Variants in KAZN observed in about 807,000 individuals in gnomAD.
KAZN encodes kazrin.
KAZN carries 40 observed loss-of-function variants against 87.4 expected under a neutral mutation model. The observed-to-expected ratio is 0.46, with a 90% CI of 0.36 to 0.60. KAZN has a LOEUF of 0.60. KAZN is among the 20% of genes least tolerant of loss of function. The pLI, the probability that KAZN is intolerant of heterozygous loss-of-function variation, is 0.00. For missense variants in KAZN, 898 were observed against 1,073.9 expected (o/e 0.84, Z 2.29); for synonymous variants, 466 against 458.3 (o/e 1.02, Z -0.22).
intron 1 of KAZN, among the ~76,000 whole-genome samples, chr1:13,988,447 G>T (rs147161750): frequency 6.6e-6 from 1 of 152,162 alleles, no homozygotes; most frequent in East Asian, 1.9e-4. Flanking sequence ...ACCTAGTAGG[G>T]TTCTTTTACT....
chr1:14,835,228 A>G (rs1267772117), intron 1 of KAZN, among the ~76,000 whole-genome samples: 1 of 152,204 alleles, frequency 6.6e-6, no homozygotes, highest in Non-Finnish European at 1.5e-5. Context: ...GTCACCAAAG[A>G]CATATGTTGC....
chr1:15,010,429 T>C (rs978556579), intron 2 of KAZN, among the ~76,000 whole-genome samples: 23 of 142,640 alleles, frequency 1.6e-4, no homozygotes, highest in African/African-American at 5.5e-4. Context: ...CTCGCTCTGC[T>C]GCTCAGGCTG....
chr1:14,433,964 T>G (rs918113401), intron 2 of KAZN, among the ~76,000 whole-genome samples: 1 of 152,254 alleles, frequency 6.6e-6, no homozygotes, highest in African/African-American at 2.4e-5. Context: ...GGAGGCTGTT[T>G]GCAAACCAGG....
At chr1:15,007,931 C>T (rs1639795264) in intron 2 of KAZN, among the ~76,000 whole-genome samples, 2 of 152,202 alleles carry the variant, frequency 1.3e-5, no homozygotes, top group African/African-American at 4.8e-5. Flanking sequence ...GGAGCCGTGC[C>T]GTCACCCAGC....
intron 2 of KAZN, among the ~76,000 whole-genome samples, chr1:15,014,666 C>T (rs1178342530): frequency 6.6e-6 from 1 of 152,120 alleles, no homozygotes; most frequent in Non-Finnish European, 1.5e-5. Flanking sequence ...AGCCTTCCTC[C>T]CGGGAAGAAT....
At chr1:14,701,478 C>T (rs1400754977) in intron 1 of KAZN, among the ~76,000 whole-genome samples, 4 of 152,192 alleles carry the variant, frequency 2.6e-5, no homozygotes, top group African/African-American at 7.2e-5. Context: ...ACACTCTCCA[C>T]CAGGAGTCCA....
intron 1 of KAZN, among the ~76,000 whole-genome samples, chr1:14,876,374 A>G (rs1360144250): frequency 1.3e-5 from 2 of 152,352 alleles, no homozygotes; most frequent in East Asian, 3.9e-4. Context: ...GCAAGCCAGG[A>G]AAGGAACTCT....
chr1:14,440,569 A>G (rs1040746593), intron 2 of KAZN, among the ~76,000 whole-genome samples: 1 of 152,198 alleles, frequency 6.6e-6, no homozygotes, highest in Admixed American at 6.5e-5. Context: ...TGGTTGCTCA[A>G]AAAGATGTTT....
chr1:14,265,832 T>A (rs183530118), intron 2 of KAZN, among the ~76,000 whole-genome samples: 3 of 152,332 alleles, frequency 2.0e-5, no homozygotes, highest in Admixed American at 2.0e-4. Flanking sequence ...CAGCAGGTGG[T>A]GATTTGCCCT....
intron 1 of KAZN, among the ~76,000 whole-genome samples, chr1:13,950,312 T>C (rs1641297636): frequency 6.6e-6 from 1 of 152,180 alleles, no homozygotes; most frequent in Non-Finnish European, 1.5e-5. Context: ...TCTTCTGGCA[T>C]CCCACATTGC....
intron 1 of KAZN, among the ~76,000 whole-genome samples, chr1:14,699,208 C>A (rs1374012711): frequency 6.6e-6 from 1 of 152,254 alleles, no homozygotes; most frequent in Non-Finnish European, 1.5e-5. Flanking sequence ...CCTGGGAGAG[C>A]TGTCCTCGTT....
At chr1:14,542,492 A>G (rs1294161923) in intron 2 of KAZN, among the ~76,000 whole-genome samples, 2 of 152,238 alleles carry the variant, frequency 1.3e-5, no homozygotes, top group East Asian at 3.8e-4. Context: ...ATTTATACAT[A>G]TACTTCAGAT....
At chr1:14,908,131 C>T (rs1656819878) in intron 1 of KAZN, among the ~76,000 whole-genome samples, 1 of 152,234 alleles carries the variant, frequency 6.6e-6, no homozygotes, top group African/African-American at 2.4e-5. Flanking sequence ...GGCACGGTGG[C>T]TCACACCTGT....
At chr1:13,967,824 C>T (rs1005140291) in intron 1 of KAZN, among the ~76,000 whole-genome samples, 1 of 152,184 alleles carries the variant, frequency 6.6e-6, no homozygotes, top group Non-Finnish European at 1.5e-5. Flanking sequence ...TGGATCTGCT[C>T]TCAGCTGTCA....
chr1:14,747,560 G>A (rs913772243), intron 1 of KAZN, among the ~76,000 whole-genome samples: 2 of 152,186 alleles, frequency 1.3e-5, no homozygotes, highest in Non-Finnish European at 2.9e-5. Context: ...GATTATAGGC[G>A]CAAGCCACTG....
intron 13 of KAZN, among the ~76,000 whole-genome samples, chr1:15,109,809 GTTGTA>G (rs1265405455): frequency 2.7e-5 from 4 of 145,806 alleles, no homozygotes; most frequent in East Asian, 2.6e-4. Flanking sequence ...GTATGTGTGT[GTTGTA>G]TGTGTATGTA....
intron 1 of KAZN, among the ~76,000 whole-genome samples, chr1:14,639,633 G>A (rs571871428): frequency 3.1e-4 from 47 of 152,234 alleles, no homozygotes; most frequent in African/African-American, 1.1e-3. Context: ...GTTCTCACAA[G>A]CTGTTTGTAA....
At chr1:14,818,434 G>A (rs925605556) in intron 1 of KAZN, among the ~76,000 whole-genome samples, 1 of 152,220 alleles carries the variant, frequency 6.6e-6, no homozygotes, top group Non-Finnish European at 1.5e-5. Context: ...GGGTGCCACA[G>A]CAGGGAGGCG....
intron 1 of KAZN, among the ~76,000 whole-genome samples, chr1:14,828,471 C>T (rs1646962343): frequency 6.6e-6 from 1 of 152,130 alleles, no homozygotes; most frequent in Non-Finnish European, 1.5e-5. Context: ...TAGATCCTTC[C>T]TGGCCTAAGA....
Sources: gnomAD v4.1 joint callset for allele counts (sites outside exome capture counted in the v4.1 genomes callset) on GRCh38, gnomAD v4.1.1 for gene constraint, MANE v1.5 for transcripts, NCBI Gene and HGNC (gene_info 2026-07-23, HGNC 2026-07-21) for gene names.